The following ITGAM variants were observed in gnomAD, a reference collection of about 807,000 sequenced individuals.
The protein encoded by ITGAM is integrin subunit alpha M, also known as integrin alpha-M.
A neutral mutation model predicts 137.5 loss-of-function variants in ITGAM; 79 were observed. The ratio of observed to expected loss-of-function variants is 0.57; its 90% CI spans 0.48 to 0.69. The LOEUF is 0.69. Among genes scored for constraint, ITGAM ranks in the 30% least tolerant of loss-of-function variants. The pLI, the probability that ITGAM is intolerant of heterozygous loss-of-function variation, is 0.00. For synonymous variants in ITGAM, 583 were observed against 592.3 expected (o/e 0.98, Z 0.23); for missense variants, 1,343 against 1,483.5 (o/e 0.91, Z 1.56).
chr16:31,293,517 C>T (rs1422576541), intron 12 of ITGAM, among the ~76,000 whole-genome samples: 1 of 151,976 alleles, frequency 6.6e-6, no homozygotes, highest in African/African-American at 2.4e-5. Flanking sequence ...TTCCCCATTG[C>T]TTATTTTTGT....
chr16:31,306,549 T>C (rs1646976105), intron 14 of ITGAM, among the ~76,000 whole-genome samples: 1 of 151,802 alleles, frequency 6.6e-6, no homozygotes, highest in African/African-American at 2.4e-5. Context: ...AATTTTGCCC[T>C]GTTGCCCACA....
Position 31,265,494 on chromosome 16 carries a change from G to T in ITGAM, c.234G>T (p.Leu78=), listed in dbSNP as rs2079755273. The part of the protein sequence containing the change: ...YSTGSCEPIR[L]QVPVEAVNMS... ...CAGGCTCATGCGAGCCCATCCGCCT[G>T]CAGGGTGAGTCACTGCCCCGCCGGG... is the stretch of plus-strand genomic sequence containing the variant. The change falls in exon 3 of 30, where the codon CTG becomes CTT. Residue 78 remains leucine (L), a synonymous_variant. Transcript: ENST00000544665. 1 of 1,592,288 alleles carries T rather than the reference G, an allele frequency of 6.3e-7. No homozygotes were observed. Among genetic ancestry groups the T allele is most frequent in the Non-Finnish European group, 8.6e-7 (1 of 1,168,532 alleles).
At chr16:31,302,463 CTTTCTTT>C (rs2080214066) in intron 14 of ITGAM, among the ~76,000 whole-genome samples, 6 of 29,456 alleles carry the variant, frequency 2.0e-4, no homozygotes, top group East Asian at 2.6e-3. Context: ...TCCTTCCTTT[CTTTCTTT>C]CTTTCTTTCT....
chr16:31,276,814 G>C (rs989683110), intron 10 of ITGAM, 70 bp downstream of exon 10: 50 of 1,569,146 alleles, frequency 3.2e-5, no homozygotes, highest in Non-Finnish European at 4.3e-5. Flanking sequence ...GAGATGTGGG[G>C]GTTTGGGGAC....
chr16:31,300,297 C>G (rs1198717712), intron 14 of ITGAM, among the ~76,000 whole-genome samples: 3 of 152,102 alleles, frequency 2.0e-5, no homozygotes, highest in Non-Finnish European at 4.4e-5. Context: ...GTTAAATAAC[C>G]AGAAGTGGGA....
At chr16:31,288,522 T>A (rs2080052564) in intron 12 of ITGAM, among the ~76,000 whole-genome samples, 1 of 152,162 alleles carries the variant, frequency 6.6e-6, no homozygotes, top group Non-Finnish European at 1.5e-5. Context: ...ATTCCCTATT[T>A]AATAAATGGT....
At chr16:31,282,790 G>T (rs2079984185) in intron 12 of ITGAM, among the ~76,000 whole-genome samples, 1 of 152,186 alleles carries the variant, frequency 6.6e-6, no homozygotes, top group South Asian at 2.1e-4. Context: ...TTGCTCGTTA[G>T]TTGATGCAGT....
rs560056319 is a variant in ITGAM at position 31,318,599 on chromosome 16, A to G, written c.1708-2642A>G. Among the ~76,000 whole-genome samples the G allele has an allele frequency of 3.9e-5, 6 of 152,224 alleles. No homozygotes were observed. In the South Asian group the frequency reaches 1.2e-3, roughly 32 times the overall value. ...TCTCAGGTGATCCACTTGCCTCGACATCCCAAAGTGCTGGGATTGCAGGCG... is the reference window on the plus strand; with the variant it reads ...TCTCAGGTGATCCACTTGCCTCGACGTCCCAAAGTGCTGGGATTGCAGGCG... On this transcript the variant is annotated intron_variant, in intron 14 of 29. Transcript: ENST00000544665.
At chr16:31,287,175 A>C (rs1038677847) in intron 12 of ITGAM, among the ~76,000 whole-genome samples, 8 of 152,090 alleles carry the variant, frequency 5.3e-5, no homozygotes, top group Admixed American at 4.6e-4. Context: ...GTCTTTATTG[A>C]AGATCAGGTG....
At chr16:31,273,656 C>T (rs2079876470) in intron 8 of ITGAM, 138 bp downstream of exon 8, 2 of 783,220 alleles carry the variant, frequency 2.6e-6, no homozygotes, top group Non-Finnish European at 4.0e-6. Flanking sequence ...TATCAGCTAT[C>T]TGTTGCCACA....
At chr16:31,269,419 C>T (rs549672302) in intron 5 of ITGAM, among the ~76,000 whole-genome samples, 54 of 152,186 alleles carry the variant, frequency 3.5e-4, no homozygotes, top group Admixed American at 1.1e-3. Flanking sequence ...AGGGCTGTTA[C>T]GATCTTTGTT....
chr16:31,263,805 T>A (rs1467028717), intron 2 of ITGAM, among the ~76,000 whole-genome samples: 1 of 13,062 alleles, frequency 7.7e-5, no homozygotes, highest in African/African-American at 1.3e-4. Flanking sequence ...ATACAAAAAT[T>A]TATTTATTTA....
chr16:31,310,815 T>C (rs1218968673), intron 14 of ITGAM, among the ~76,000 whole-genome samples: 1 of 152,168 alleles, frequency 6.6e-6, no homozygotes, highest in Admixed American at 6.6e-5. Context: ...TTTTTCCCCA[T>C]CTTTGTGGTT....
intron 14 of ITGAM, among the ~76,000 whole-genome samples, chr16:31,312,954 T>G (rs1221191206): frequency 1.3e-5 from 2 of 151,566 alleles, no homozygotes; most frequent in African/African-American, 4.8e-5. Flanking sequence ...GCACAGTGGC[T>G]CATGCCTGTA....
chr16:31,325,930 G>A (rs1465866353), intron 21 of ITGAM, among the ~76,000 whole-genome samples: 1 of 152,060 alleles, frequency 6.6e-6, no homozygotes, highest in Non-Finnish European at 1.5e-5. Flanking sequence ...GCTGGGCGTG[G>A]TGGTGCACAC....
At chr16:31,289,197 C>A (rs1169225363) in intron 12 of ITGAM, among the ~76,000 whole-genome samples, 1 of 152,130 alleles carries the variant, frequency 6.6e-6, no homozygotes, top group Admixed American at 6.6e-5. Context: ...GACAGTGTGG[C>A]GATTCCTCAA....
chr16:31,325,794 A>C (rs1597039525), intron 21 of ITGAM, among the ~76,000 whole-genome samples, 172 bp downstream of exon 21: 1 of 152,302 alleles, frequency 6.6e-6, no homozygotes, highest in Middle Eastern at 3.4e-3. Context: ...AGCCCGGCAC[A>C]GTGGCTCATG....
intron 14 of ITGAM, among the ~76,000 whole-genome samples, chr16:31,311,874 T>A (rs963604666): frequency 3.9e-5 from 6 of 151,980 alleles, no homozygotes; most frequent in African/African-American, 1.5e-4. Flanking sequence ...AGCAAAGACT[T>A]GGAACCAACC....
intron 5 of ITGAM, among the ~76,000 whole-genome samples, chr16:31,270,477 G>A (rs1304112163): frequency 4.7e-5 from 7 of 150,044 alleles, no homozygotes; most frequent in South Asian, 2.1e-4. Flanking sequence ...CAGAATTAAC[G>A]AAAATTTTCC....
Sources: allele counts gnomAD v4.1 joint callset (sites outside exome capture counted in the v4.1 genomes callset), GRCh38; gene constraint gnomAD v4.1.1; transcripts MANE v1.5; gene names NCBI Gene and HGNC (gene_info 2026-07-23, HGNC 2026-07-21).